The following SNX29 variants were observed in gnomAD, a reference collection of about 807,000 sequenced individuals.
The protein encoded by SNX29 is sorting nexin 29, also known as sorting nexin-29.
In SNX29, 78 loss-of-function variants were observed where a neutral mutation model predicts 102.1. The ratio of observed to expected loss-of-function variants is 0.76; its 90% CI spans 0.64 to 0.92. SNX29 has a LOEUF of 0.92. SNX29 is among the 40% of genes least tolerant of loss of function. The pLI is 0.00. For missense variants in SNX29, 1,280 were observed against 1,061.7 expected (o/e 1.21, Z -2.86); for synonymous variants, 580 against 414.5 (o/e 1.40, Z -4.85).
chr16:12,371,904 T>G (rs2082697973), intron 16 of SNX29, among the ~76,000 whole-genome samples: 1 of 152,216 alleles, frequency 6.6e-6, no homozygotes, highest in Non-Finnish European at 1.5e-5. Flanking sequence ...GCTCCTCCTG[T>G]TCCTTCTACT....
chr16:11,989,083 C>A (rs2055743434), intron 1 of SNX29, among the ~76,000 whole-genome samples: 1 of 152,032 alleles, frequency 6.6e-6, no homozygotes, highest in East Asian at 1.9e-4. Context: ...AAGCGATTTT[C>A]CTGCCTCAGC....
chr16:12,111,279 C>A (rs1248788930), intron 11 of SNX29, among the ~76,000 whole-genome samples: 1 of 152,184 alleles, frequency 6.6e-6, no homozygotes, highest in Non-Finnish European at 1.5e-5. Context: ...CCCTGCCCAG[C>A]ACCCTGCTGT....
At chr16:12,133,091 C>T (rs950993272) in intron 13 of SNX29, among the ~76,000 whole-genome samples, 13 of 152,140 alleles carry the variant, frequency 8.5e-5, no homozygotes, top group East Asian at 1.9e-4. Flanking sequence ...CTCATTGCGC[C>T]GGCGCCATGC....
chr16:12,101,868 C>T (rs1207709637), intron 11 of SNX29, among the ~76,000 whole-genome samples: 1 of 152,126 alleles, frequency 6.6e-6, no homozygotes, highest in Non-Finnish European at 1.5e-5. Context: ...CTGCACCCAT[C>T]AGCCCGTCAT....
At chr16:12,223,977 A>G (rs964641763) in intron 14 of SNX29, among the ~76,000 whole-genome samples, 1 of 152,170 alleles carries the variant, frequency 6.6e-6, no homozygotes. Context: ...GCCCATGTGG[A>G]TAATGGAGGC....
chr16:12,360,648 C>T (rs554791914), intron 16 of SNX29, among the ~76,000 whole-genome samples: 1 of 152,194 alleles, frequency 6.6e-6, no homozygotes, highest in South Asian at 2.1e-4. Context: ...TCCCCATCCC[C>T]CCACCCCCTA....
At chr16:12,156,699 C>G (rs916293507) in intron 13 of SNX29, among the ~76,000 whole-genome samples, 3 of 152,244 alleles carry the variant, frequency 2.0e-5, no homozygotes, top group Admixed American at 1.3e-4. Flanking sequence ...AGGCAGGCCT[C>G]TCTAGGTCCT....
chr16:12,029,864 T>A (rs1315574890), intron 4 of SNX29: 1 of 336,024 alleles, frequency 3.0e-6, no homozygotes, highest in Non-Finnish European at 5.8e-6. Context: ...AGTGCTGGGA[T>A]TACAGGCATG....
At chr16:12,559,866 A>C (rs1235599109) in intron 20 of SNX29, among the ~76,000 whole-genome samples, 3 of 152,190 alleles carry the variant, frequency 2.0e-5, no homozygotes, top group Non-Finnish European at 2.9e-5. Flanking sequence ...TTAAAATACC[A>C]GATTTCAGAG....
chr16:12,016,703 C>T (rs1425957362), intron 3 of SNX29, among the ~76,000 whole-genome samples: 4 of 152,200 alleles, frequency 2.6e-5, no homozygotes, highest in Admixed American at 1.3e-4. Flanking sequence ...TGCTTGTTGG[C>T]CATCTGCATA....
intron 15 of SNX29, among the ~76,000 whole-genome samples, chr16:12,333,751 A>G (rs1437930200): frequency 1.3e-5 from 2 of 152,000 alleles, no homozygotes; most frequent in African/African-American, 2.4e-5. Context: ...CATTATCTGT[A>G]TCTCTCACAG....
intron 18 of SNX29, among the ~76,000 whole-genome samples, chr16:12,408,445 A>G (rs577600242): frequency 5.8e-4 from 88 of 152,304 alleles, no homozygotes; most frequent in African/African-American, 2.0e-3. Context: ...GTCCACAATA[A>G]CTTCTGTGGC....
chr16:12,263,026 C>T (rs1303931665), intron 14 of SNX29, among the ~76,000 whole-genome samples: 1 of 152,114 alleles, frequency 6.6e-6, no homozygotes, highest in African/African-American at 2.4e-5. Flanking sequence ...TGGATCAGAG[C>T]ATGTAAAGTG....
intron 14 of SNX29, among the ~76,000 whole-genome samples, chr16:12,214,586 C>T (rs915339838): frequency 2.0e-5 from 3 of 150,964 alleles, no homozygotes; most frequent in Non-Finnish European, 2.9e-5. Context: ...TTTTTTTTCT[C>T]AGACTGAATG....
chr16:12,485,293 G>T (rs573619335), intron 19 of SNX29, among the ~76,000 whole-genome samples: 1 of 152,274 alleles, frequency 6.6e-6, no homozygotes, highest in South Asian at 2.1e-4. Flanking sequence ...CTTAGGTAAA[G>T]GACTCGTTTT....
intron 20 of SNX29, among the ~76,000 whole-genome samples, chr16:12,537,013 T>C (rs2077107371): frequency 6.6e-6 from 1 of 152,086 alleles, no homozygotes; most frequent in Non-Finnish European, 1.5e-5. Context: ...GTTCAGGGCA[T>C]GGGGGCCGGG....
At chr16:12,164,122 T>G (rs1386818851) in intron 13 of SNX29, among the ~76,000 whole-genome samples, 1 of 151,972 alleles carries the variant, frequency 6.6e-6, no homozygotes, top group African/African-American at 2.4e-5. Context: ...GAGCCAAGAC[T>G]GGAAGGATGA....
At chr16:12,122,725 G>A (rs529877012) in intron 11 of SNX29, among the ~76,000 whole-genome samples, 16 of 152,178 alleles carry the variant, frequency 1.1e-4, no homozygotes, top group Admixed American at 3.9e-4. Flanking sequence ...GGGTGGAAGC[G>A]GTGACTGAAC....
chr16:12,134,332 CA>C (rs1340651872), intron 13 of SNX29, among the ~76,000 whole-genome samples: 2 of 152,216 alleles, frequency 1.3e-5, no homozygotes, highest in Non-Finnish European at 2.9e-5. Flanking sequence ...TGATTCCCCA[CA>C]ATTTCTGTGA....
Sources: gnomAD v4.1 joint callset for allele counts (sites outside exome capture counted in the v4.1 genomes callset) on GRCh38, gnomAD v4.1.1 for gene constraint, MANE v1.5 for transcripts, NCBI Gene and HGNC (gene_info 2026-07-23, HGNC 2026-07-21) for gene names.